PPP2R3B: variants seen among roughly 807,000 people sequenced by gnomAD.
The protein encoded by PPP2R3B is serine/threonine-protein phosphatase 2A regulatory subunit B'' subunit beta.
A neutral mutation model predicts 72.9 loss-of-function variants in PPP2R3B; 68 were observed. The observed-to-expected ratio is 0.93, with a 90% CI of 0.77 to 1.14. PPP2R3B has a LOEUF of 1.14. Ranked by LOEUF, PPP2R3B falls within the 50% of genes most tolerant of loss-of-function variation. PPP2R3B has a pLI of 0.00. For synonymous variants in PPP2R3B, 466 were observed against 375.8 expected (o/e 1.24, Z -2.78); for missense variants, 1,018 against 842.0 (o/e 1.21, Z -2.59).
intron 12 of PPP2R3B, chrX:337,155 A>C (rs1351978949): frequency 2.6e-5 from 4 of 151,302 alleles, no homozygotes; most frequent in African/African-American, 4.9e-5. Flanking sequence ...ATCTCGGCTC[A>C]CTGCAAGCTC....
intron 10 of PPP2R3B, among the ~76,000 whole-genome samples, chrX:339,286 C>T (rs746807729): frequency 8.3e-6 from 1 of 121,170 alleles, no homozygotes; most frequent in East Asian, 2.6e-4. Flanking sequence ...GGGGGCAGGG[C>T]TGCAGGGCGG....
rs1007546073 is a variant in PPP2R3B, at chrX:334,279, A to G, written c.*88T>C. ...TTTATCATTCCGTACAAACGCACTCATTTTCCACAACAGTTTTTACACGAG... is the reference window on the plus strand; with the variant it reads ...TTTATCATTCCGTACAAACGCACTCGTTTTCCACAACAGTTTTTACACGAG... On this transcript the variant is annotated 3_prime_UTR_variant, in exon 13 of 13. Transcript: ENST00000390665. The G allele has an allele frequency of 1.0e-5, 14 of 1,353,364 alleles. No individual in the cohort carries two copies. Among genetic ancestry groups the G allele is most frequent in the Non-Finnish European group, 1.4e-5 (14 of 1,035,054 alleles). The allele number at this position is 1,353,364 out of a possible 1,614,324, so 83.8% of individuals were successfully genotyped here.
At position 386,733 on chromosome X, in the gene PPP2R3B, C is replaced by CCA; in HGVS notation, c.-43_-42insTG. 11 of 1,185,286 alleles carry CCA rather than the reference C, an allele frequency of 9.3e-6. No individual in the cohort carries two copies. Among genetic ancestry groups the CCA allele is most frequent in the Non-Finnish European group, 1.1e-5 (11 of 957,376 alleles). 73.4% of individuals were successfully genotyped at this position (1,185,286 alleles called of 1,614,324 possible). A position where few individuals can be genotyped will look rare whatever the true frequency, so the allele number is the denominator to read the frequency against. On this transcript the variant is annotated 5_prime_UTR_variant, in exon 1 of 13. Coordinates refer to ENST00000390665, the MANE Select transcript of PPP2R3B (RefSeq NM_013239.5). ...GCGGCGCCCCCGGACGCCCGCGCCC[C>CCA]GCCCCGCCCCGGGGGCTTCGGTCCG...
Position 373,345 on chromosome X carries a change from G to A in PPP2R3B, c.325-11755C>T, listed in dbSNP as rs771497952. 2.1e-3 allele frequency among the ~76,000 whole-genome samples: 317 copies of A among 152,332 alleles called. 1 individual carries two copies. The highest frequency in any genetic ancestry group is 2.8e-3 in the Admixed American group (43 of 15,300). On this transcript the variant is annotated intron_variant, in intron 1 of 12. Coordinates refer to ENST00000390665, the MANE Select transcript of PPP2R3B (RefSeq NM_013239.5). ...AGCAGCACCCGGTTTTCGGCGGCGTGCGGCCCGAGCGGGTCCCCTGCGCCC... is the reference window on the plus strand; with the variant it reads ...AGCAGCACCCGGTTTTCGGCGGCGTACGGCCCGAGCGGGTCCCCTGCGCCC...
chrX:340,854 C>G lies in PPP2R3B; in HGVS notation c.1262G>C (p.Cys421Ser). Residue 421 changes from cysteine (C) to serine (S), a missense_variant, in exon 10 of 13, where the codon TGC becomes TCC. Coordinates refer to ENST00000390665, the MANE Select transcript of PPP2R3B (RefSeq NM_013239.5). ...FELEYFYEEQ[C>S]RRLDSMAIEA... ...GATGGCCATGCTGTCCAGCCTTCGG[C>G]ACTGCTCCTCGTAGAAGTACTCGAG... 6.2e-7 allele frequency: 1 copy of G among 1,612,190 alleles called. No homozygotes were observed. The highest frequency in any genetic ancestry group is 1.1e-5 in the South Asian group (1 of 91,058).
At chrX:375,807 T>C (rs1051829866) in intron 1 of PPP2R3B, among the ~76,000 whole-genome samples, 2 of 152,224 alleles carry the variant, frequency 1.3e-5, no homozygotes, top group African/African-American at 4.8e-5. Context: ...TGCCCTGTCC[T>C]GCCACGCCAG....
At chrX:383,850 A>AAAAAC (rs1457061910) in intron 1 of PPP2R3B, among the ~76,000 whole-genome samples, 5 of 115,658 alleles carry the variant, frequency 4.3e-5, no homozygotes, top group Non-Finnish European at 7.3e-5. Context: ...AAAAAAAAAA[A>AAAAAC]AAAAAAAAAA....
intron 10 of PPP2R3B, among the ~76,000 whole-genome samples, chrX:339,208 C>T (rs2070985189): frequency 6.7e-6 from 1 of 149,712 alleles, no homozygotes; most frequent in South Asian, 2.1e-4. Flanking sequence ...GAACGGAGCT[C>T]CCCGTGCAGG....
At chrX:364,341 G>C (rs993710514) in intron 1 of PPP2R3B, among the ~76,000 whole-genome samples, 1 of 151,886 alleles carries the variant, frequency 6.6e-6, no homozygotes, top group African/African-American at 2.4e-5. Flanking sequence ...TCTCCTGCAG[G>C]TTTGCAAACC....
chrX:361,709 G>A (rs746747672), intron 1 of PPP2R3B, 119 bp from the exon 2 acceptor site: 118 of 1,152,448 alleles, frequency 1.0e-4, no homozygotes, highest in African/African-American at 9.8e-4. Context: ...GATCCCAGCC[G>A]GGAGAGGACA....
At chrX:358,980 A>ACCGCGG (rs2071490802) in intron 2 of PPP2R3B, among the ~76,000 whole-genome samples, 1 of 142,986 alleles carries the variant, frequency 7.0e-6, no homozygotes, top group African/African-American at 2.6e-5. Context: ...GCGGGGAAGC[A>ACCGCGG]CCGCGGCCGG....
chrX:386,762 C>A lies in PPP2R3B; in HGVS notation c.-71G>T. The A allele has an allele frequency of 9.8e-7, 1 of 1,019,980 alleles. No individual in the cohort carries two copies. The highest frequency in any genetic ancestry group is 1.2e-6 in the Non-Finnish European group (1 of 813,166). The allele number at this position is 1,019,980 out of a possible 1,614,324, so 63.2% of individuals were successfully genotyped here. On this transcript the variant is annotated 5_prime_UTR_variant, in exon 1 of 13. Transcript: ENST00000390665. The stretch of plus-strand genomic sequence containing the variant: ...CCGCCCCGGGGGCTTCGGTCCGCCC[C>A]GGACCGACCTCGGTGATGCGAGCAC...
At chrX:338,170 C>G (rs926181064) in intron 12 of PPP2R3B, 19 of 289,000 alleles carry the variant, frequency 6.6e-5, no homozygotes, top group Admixed American at 6.5e-4. Context: ...CCCTCACGCT[C>G]CGTGAGAAAG....
intron 1 of PPP2R3B, among the ~76,000 whole-genome samples, chrX:382,135 G>C (rs1569420099): frequency 6.6e-6 from 1 of 151,278 alleles, no homozygotes; most frequent in East Asian, 1.9e-4. Context: ...CCTTCCTTCT[G>C]CTTCTCCGGT....
At chrX:346,081 G>T in intron 6 of PPP2R3B, 93 bp downstream of exon 6, 2 of 585,556 alleles carry the variant, frequency 3.4e-6, no homozygotes, top group Non-Finnish European at 5.6e-6. Flanking sequence ...GGGTGGGAGG[G>T]GAGGAGGGAG....
intron 9 of PPP2R3B, 45 bp from the exon 10 acceptor site, chrX:340,985 A>G (rs377630263): frequency 3.1e-6 from 5 of 1,588,866 alleles, no homozygotes; most frequent in Non-Finnish European, 4.3e-6. Context: ...GGGCCCTCCC[A>G]GCCCGTGACC....
chrX:371,557 C>T (rs749144471), intron 1 of PPP2R3B, among the ~76,000 whole-genome samples: 257 of 152,196 alleles, frequency 1.7e-3, no homozygotes, highest in African/African-American at 5.7e-3. Context: ...CAGGAGCACC[C>T]GCCAGGGGCT....
At chrX:346,623 G>T in intron 5 of PPP2R3B, 78 bp downstream of exon 5, 3 of 1,398,148 alleles carry the variant, frequency 2.1e-6, no homozygotes, top group Non-Finnish European at 3.0e-6. Flanking sequence ...CGCCCCGTCC[G>T]CAGAAGCCCC....
At chrX:376,518 T>C (rs1302187402) in intron 1 of PPP2R3B, among the ~76,000 whole-genome samples, 3 of 149,230 alleles carry the variant, frequency 2.0e-5, no homozygotes, top group Non-Finnish European at 4.5e-5. Flanking sequence ...CACTACTGTA[T>C]GCAGGGACGG....
Sources: allele counts gnomAD v4.1 joint callset (sites outside exome capture counted in the v4.1 genomes callset), GRCh38; gene constraint gnomAD v4.1.1; transcripts MANE v1.5; gene names NCBI Gene and HGNC (gene_info 2026-07-23, HGNC 2026-07-21).